ABCA13: variants seen among roughly 807,000 people sequenced by gnomAD.
The protein encoded by ABCA13 is ATP binding cassette subfamily A member 13.
Under a neutral mutation model 478.7 loss-of-function variants are expected in ABCA13, and 476 were observed. That is an observed-to-expected ratio of 0.99 (90% CI 0.92 to 1.07). The LOEUF (loss-of-function observed/expected upper bound fraction) is 1.07, where lower values mean the gene tolerates loss of function less well. Among genes scored for constraint, ABCA13 ranks in the 50% least tolerant of loss-of-function variants. The probability of loss-of-function intolerance (pLI) is 0.00; values close to 1 mark genes in which losing one functional copy is unlikely to be tolerated. For synonymous variants in ABCA13, 2,252 were observed against 2,158.9 expected (o/e 1.04, Z -1.20); for missense variants, 6,060 against 5,910.6 (o/e 1.03, Z -0.83).
At chr7:48,562,739 C>A (rs1420859666) in intron 55 of ABCA13, among the ~76,000 whole-genome samples, 1 of 152,046 alleles carries the variant, frequency 6.6e-6, no homozygotes, top group African/African-American at 2.4e-5. Flanking sequence ...GTGTTTGTTA[C>A]ATGTTCAAAG....
chr7:48,371,968 G>A lies in ABCA13; in HGVS notation c.10804-200G>A, dbSNP rs556629395. Among the ~76,000 whole-genome samples, 184 of 152,230 alleles carry A rather than the reference G, an allele frequency of 1.2e-3. 1 individual carries two copies. The highest frequency in any genetic ancestry group is 2.3e-3 in the Non-Finnish European group (156 of 68,014). ...TTATAAAAATTTAATTTAATTTTAA[G>A]TTCCAGGATACAAGTGCTCATGAAA... On this transcript the variant is annotated intron_variant, in intron 32 of 61. Transcript: ENST00000435803.
chr7:48,482,152 A>G lies in ABCA13; in HGVS notation c.13095-924A>G, dbSNP rs139414228. On this transcript the variant is annotated intron_variant, in intron 46 of 61. Coordinates refer to ENST00000435803, the MANE Select transcript of ABCA13 (RefSeq NM_152701.5). ...TAATTCCCACCCAGGAAAAATTCAC[A>G]GAGCTACATAAAGATAAACCAGCAA... Among the ~76,000 whole-genome samples, 260 of 152,310 alleles carry G rather than the reference A, an allele frequency of 1.7e-3. 2 individuals carry two copies. Among genetic ancestry groups the G allele is most frequent in the African/African-American group, 5.7e-3 (238 of 41,562 alleles).
rs186012890 is a variant in ABCA13, at chr7:48,550,499, C to A, written c.14354+22154C>A. On this transcript the variant is annotated intron_variant, in intron 55 of 61. Transcript: ENST00000435803. ...TTTTGAACTCCTGGCCTCAAGTGAT[C>A]CGCCCCCCCTCAGCCTCCCAAAGTG... 6.1e-5 allele frequency among the ~76,000 whole-genome samples: 9 copies of A among 146,496 alleles called. No homozygotes were observed. In the East Asian group the frequency reaches 1.6e-3, roughly 26 times the overall value.
chr7:48,444,783 TC>T (rs1278082254), intron 42 of ABCA13, among the ~76,000 whole-genome samples: 2 of 152,160 alleles, frequency 1.3e-5, no homozygotes, highest in African/African-American at 4.8e-5. Context: ...GGTACCTCCA[TC>T]TCAACACGTT....
chr7:48,538,646 G>A (rs1833757098), intron 55 of ABCA13, among the ~76,000 whole-genome samples: 1 of 152,030 alleles, frequency 6.6e-6, no homozygotes, highest in East Asian at 1.9e-4. Flanking sequence ...ATTATTAAAG[G>A]CAATCTTGTA....
intron 43 of ABCA13, among the ~76,000 whole-genome samples, chr7:48,457,971 G>A (rs945324850): frequency 6.6e-6 from 1 of 152,076 alleles, no homozygotes; most frequent in African/African-American, 2.4e-5. Context: ...ATTAGTGGGC[G>A]AGAAGAATAA....
At chr7:48,283,704 C>T (rs1260716153) in intron 19 of ABCA13, among the ~76,000 whole-genome samples, 1 of 152,186 alleles carries the variant, frequency 6.6e-6, no homozygotes, top group African/African-American at 2.4e-5. Context: ...AGGCTGCCTC[C>T]TTACTGTCAC....
At chr7:48,311,409 A>G (rs1801752743) in intron 24 of ABCA13, among the ~76,000 whole-genome samples, 2 of 152,184 alleles carry the variant, frequency 1.3e-5, no homozygotes, top group Non-Finnish European at 2.9e-5. Context: ...TTTTTCGCTA[A>G]CATGCTTATG....
In ABCA13 at chr7:48,295,781, T is replaced by C. The variant is rs1486625650; in HGVS notation, c.9037T>C (p.Phe3013Leu). The change falls in exon 21 of 62, where the codon TTC (phenylalanine) becomes CTC (leucine). Residue 3013 changes from phenylalanine to leucine, a missense_variant. Phe to Leu is a conservative substitution (Grantham distance 22). Transcript: ENST00000435803. ...SKNLSSTLES[F>L]KSSLENATGQ... The stretch of plus-strand genomic sequence containing the variant: ...GAATCTTTCTAGCACCTTGGAGAGC[T>C]TCAAGAGCAGCTTGGAAAATGCCAC... 6.2e-7 allele frequency: 1 copy of C among 1,613,910 alleles called. No homozygotes were observed. Among genetic ancestry groups the C allele is most frequent in the African/African-American group, 1.3e-5 (1 of 74,936 alleles).
intron 45 of ABCA13, among the ~76,000 whole-genome samples, chr7:48,477,574 G>A (rs1828260272): frequency 6.6e-6 from 1 of 151,984 alleles, no homozygotes; most frequent in Non-Finnish European, 1.5e-5. Context: ...AAAATAATGA[G>A]TTCATGTCTT....
chr7:48,493,158 G>A (rs1205179045), intron 48 of ABCA13, among the ~76,000 whole-genome samples: 1 of 152,112 alleles, frequency 6.6e-6, no homozygotes, highest in Non-Finnish European at 1.5e-5. Context: ...CTTCATGGAA[G>A]GTGTTTATAC....
intron 44 of ABCA13, 97 bp downstream of exon 44, chr7:48,467,142 C>T (rs1341765545): frequency 1.7e-6 from 2 of 1,191,580 alleles, no homozygotes; most frequent in African/African-American, 1.5e-5. Flanking sequence ...TATTTCATGT[C>T]ACAAGTTTAT....
rs546709522 is a variant in ABCA13 at position 48,293,198 on chromosome 7, C to A, written c.8956-2502C>A. 3.0e-5 allele frequency among the ~76,000 whole-genome samples: 4 copies of A among 134,770 alleles called. 1 individual carries two copies. The highest frequency in any genetic ancestry group is 2.2e-4 in the Admixed American group (3 of 13,882). The allele number at this position is 134,770 out of a possible 152,430, so 88.4% of individuals were successfully genotyped here. On this transcript the variant is annotated intron_variant, in intron 20 of 61. Coordinates refer to ENST00000435803, the MANE Select transcript of ABCA13 (RefSeq NM_152701.5). ...ATTTCCTGAGAAGTCTTCAGCCCCC[C>A]CCCCGCCACACACACACTAAATCTA...
intron 48 of ABCA13, among the ~76,000 whole-genome samples, chr7:48,500,297 G>A (rs1225816173): frequency 6.6e-6 from 1 of 152,170 alleles, no homozygotes; most frequent in Non-Finnish European, 1.5e-5. Context: ...GTGCAGGGTA[G>A]TGTGAGGGTG....
At chr7:48,506,530 C>A in intron 49 of ABCA13, 140 bp downstream of exon 49, 2 of 903,258 alleles carry the variant, frequency 2.2e-6, no homozygotes, top group Non-Finnish European at 1.7e-6. Flanking sequence ...GCCCACAGGA[C>A]TTGGGCATTT....
chr7:48,233,136 C>T (rs553451242), intron 7 of ABCA13, among the ~76,000 whole-genome samples: 14 of 151,010 alleles, frequency 9.3e-5, no homozygotes, highest in East Asian at 1.9e-4. Flanking sequence ...CTGAAGTCCC[C>T]GTTGACTTGG....
intron 49 of ABCA13, among the ~76,000 whole-genome samples, chr7:48,506,907 A>G (rs939858373): frequency 2.0e-5 from 3 of 152,004 alleles, no homozygotes; most frequent in African/African-American, 7.3e-5. Flanking sequence ...TTTCTCCCCC[A>G]TCTCCCTTCT....
chr7:48,522,145 C>T (rs556965585), intron 53 of ABCA13, among the ~76,000 whole-genome samples: 13 of 152,230 alleles, frequency 8.5e-5, no homozygotes, highest in Non-Finnish European at 1.3e-4. Flanking sequence ...TTTATGGTAT[C>T]GATATGCTAC....
intron 55 of ABCA13, among the ~76,000 whole-genome samples, chr7:48,544,350 T>G (rs890822778): frequency 2.0e-5 from 3 of 151,832 alleles, no homozygotes. Flanking sequence ...TTTATGGCGC[T>G]GGCAGCCTCT....
Sources: allele counts gnomAD v4.1 joint callset (sites outside exome capture counted in the v4.1 genomes callset), GRCh38; gene constraint gnomAD v4.1.1; transcripts MANE v1.5; gene names NCBI Gene and HGNC (gene_info 2026-07-23, HGNC 2026-07-21).